Variants in PREX1 observed in about 807,000 individuals in gnomAD.
PREX1 encodes the protein phosphatidylinositol-3,4,5-trisphosphate dependent Rac exchange factor 1.
PREX1 carries 41 observed loss-of-function variants against 198.3 expected under a neutral mutation model. The ratio of observed to expected loss-of-function variants is 0.21; its 90% confidence interval spans 0.16 to 0.27. The LOEUF is 0.27. Ranked by LOEUF, PREX1 falls within the 10% of genes least tolerant of loss-of-function variation. The pLI, the probability that PREX1 is intolerant of heterozygous loss-of-function variation, is 1.00. For synonymous variants in PREX1, 843 were observed against 887.2 expected, an observed-to-expected ratio of 0.95 and a Z score of 0.89; for missense variants, 1,620 against 2,200.7, an observed-to-expected ratio of 0.74 and a Z score of 5.28.
chr20:48,692,657 T>G lies in PREX1; in HGVS notation c.1036+15A>C. On this transcript the variant is annotated intron_variant, in intron 8 of 39. Transcript: ENST00000371941. Reference sequence around the variant, plus strand: ...GGCTCAGGCAGGGCTCAGGCAAGGCTGGGGGAGGGGCTACCTGTCCCATCT... The same window carrying G: ...GGCTCAGGCAGGGCTCAGGCAAGGCGGGGGGAGGGGCTACCTGTCCCATCT... 1 of 1,605,932 alleles carries G rather than the reference T, an allele frequency of 6.2e-7. No homozygotes were observed. Among genetic ancestry groups the G allele is most frequent in the African/African-American group, 1.3e-5 (1 of 74,690 alleles).
Position 48,679,690 on chromosome 20 carries a change from G to C in PREX1, c.1500C>G (p.Thr500=), listed in dbSNP as rs2089735578. The change falls in exon 12 of 40, where the codon ACC becomes ACG. Residue 500 remains threonine, a synonymous_variant. Coordinates refer to ENST00000371941, the MANE Select transcript of PREX1 (RefSeq NM_020820.4). ...VMYRFRYDDG[T]YKARSELEDI... Reference sequence around the variant, plus strand: ...CCTCCAGCTCACTTCGGGCCTTGTAGGTGCCATCGTCGTAGCGGAAGCGAT... The same window carrying C: ...CCTCCAGCTCACTTCGGGCCTTGTACGTGCCATCGTCGTAGCGGAAGCGAT... 1 of 1,613,670 alleles carries C rather than the reference G, an allele frequency of 6.2e-7. No individual in the cohort carries two copies. The highest frequency in any genetic ancestry group is 1.3e-5 in the African/African-American group (1 of 74,922).
chr20:48,653,519 G>A, intron 19 of PREX1, 22 bp from the exon 20 acceptor site: 1 of 1,591,882 alleles, frequency 6.3e-7, no homozygotes, highest in Non-Finnish European at 8.6e-7. Context: ...AGGAGCACAT[G>A]AGGCTGGATG....
intron 1 of PREX1, among the ~76,000 whole-genome samples, chr20:48,820,472 G>A (rs1458598245): frequency 6.6e-6 from 1 of 152,170 alleles, no homozygotes; most frequent in Non-Finnish European, 1.5e-5. Context: ...GCAAGAGAGG[G>A]AGCCTCCCAG....
chr20:48,716,213 G>A (rs1451511867), intron 5 of PREX1, among the ~76,000 whole-genome samples: 6 of 152,124 alleles, frequency 3.9e-5, no homozygotes, highest in Admixed American at 6.5e-5. Flanking sequence ...GTGTGGTTTC[G>A]CGAGTGGGGC....
At chr20:48,702,610 GGGGTGGTGGGATACACTGCAGC>G (rs1225242302) in intron 6 of PREX1, among the ~76,000 whole-genome samples, 5 of 152,326 alleles carry the variant, frequency 3.3e-5, no homozygotes, top group Admixed American at 6.5e-5. Flanking sequence ...TCCAGAGGCT[GGGGTGGTGGGATACACTGCAGC>G]GGGTGGTGGG....
intron 3 of PREX1, 141 bp downstream of exon 3, chr20:48,744,884 G>A (rs1461237980): frequency 2.7e-6 from 3 of 1,101,726 alleles, no homozygotes; most frequent in African/African-American, 3.1e-5. Flanking sequence ...GATGCAGACT[G>A]GGCCCACCTG....
rs145167277 is a variant in PREX1, at chr20:48,825,669, G to A, written c.219+1973C>T. 2.9e-3 allele frequency among the ~76,000 whole-genome samples: 444 copies of A among 151,932 alleles called. 2 individuals are homozygous for A. Among genetic ancestry groups the A allele is most frequent in the African/African-American group, 0.01 (427 of 41,414 alleles). ...TAGGGCAGGGGCGTGGGAGGGAGAG[G>A]TATATTTTCTTTCCCATTAATATCA... is the stretch of plus-strand genomic sequence containing the variant. On this transcript the variant is annotated intron_variant, in intron 1 of 39. Transcript: ENST00000371941.
intron 6 of PREX1, among the ~76,000 whole-genome samples, chr20:48,703,427 G>A (rs575101280): frequency 2.7e-4 from 41 of 152,146 alleles, no homozygotes; most frequent in Non-Finnish European, 5.4e-4. Flanking sequence ...GCAGCCTGCC[G>A]CACCAAGACT....
chr20:48,775,744 CTCTT>C lies in PREX1; in HGVS notation c.220-27868_220-27865del, dbSNP rs1370876145. 1.1e-4 allele frequency among the ~76,000 whole-genome samples: 17 copies of C among 152,316 alleles called. No homozygotes were observed. The South Asian group carries it at 1.7e-3, about 15-fold the overall frequency. On this transcript the variant is annotated intron_variant, in intron 1 of 39. Coordinates refer to ENST00000371941, the MANE Select transcript of PREX1 (RefSeq NM_020820.4). ...GGTGCGGTTTCCCTGCACAAGCTCT[CTCTT>C]TGCCTGCCGCCATCCATGTAAAATG...
At chr20:48,734,005 G>A (rs879779478) in intron 4 of PREX1, among the ~76,000 whole-genome samples, 22 of 152,094 alleles carry the variant, frequency 1.4e-4, no homozygotes, top group Non-Finnish European at 2.6e-4. Flanking sequence ...CACCCGCCTC[G>A]GCCTCCCAAG....
chr20:48,665,325 C>T (rs1265658548), intron 15 of PREX1, among the ~76,000 whole-genome samples: 62 of 145,418 alleles, frequency 4.3e-4, no homozygotes, highest in Middle Eastern at 4.2e-3. Flanking sequence ...TGGTTCCAGA[C>T]GGCCTGAATT....
chr20:48,711,855 G>A (rs990158939), intron 5 of PREX1, among the ~76,000 whole-genome samples: 4 of 152,288 alleles, frequency 2.6e-5, no homozygotes, highest in South Asian at 2.1e-4. Context: ...CAGAAGTGCC[G>A]GGTGCAGTTT....
At chr20:48,795,762 C>G (rs1024607496) in intron 1 of PREX1, among the ~76,000 whole-genome samples, 1 of 152,130 alleles carries the variant, frequency 6.6e-6, no homozygotes, top group Admixed American at 6.5e-5. Flanking sequence ...ACATACACAT[C>G]CCATGAGCAA....
At chr20:48,642,734 G>A (rs2089423927) in intron 27 of PREX1, 1 of 420,770 alleles carries the variant, frequency 2.4e-6, no homozygotes, top group Admixed American at 4.1e-5. Flanking sequence ...CACTGCTACT[G>A]TTTCCATTCT....
chr20:48,667,936 G>A (rs967729785), intron 14 of PREX1, among the ~76,000 whole-genome samples: 4 of 152,128 alleles, frequency 2.6e-5, no homozygotes, highest in Non-Finnish European at 5.9e-5. Flanking sequence ...CCCTCACAGC[G>A]GTGTGCTGGA....
intron 19 of PREX1, 100 bp from the exon 20 acceptor site, chr20:48,653,597 G>C: frequency 1.4e-6 from 2 of 1,455,076 alleles, no homozygotes; most frequent in African/African-American, 1.4e-5. Flanking sequence ...CCAGACACGC[G>C]CAAGGACTCC....
chr20:48,741,880 C>T (rs2090083737), intron 3 of PREX1, among the ~76,000 whole-genome samples: 1 of 152,134 alleles, frequency 6.6e-6, no homozygotes, highest in Admixed American at 6.5e-5. Flanking sequence ...TCTGGAACAG[C>T]GAGGAGATCC....
intron 1 of PREX1, among the ~76,000 whole-genome samples, chr20:48,788,531 A>G (rs2090323310): frequency 6.6e-6 from 1 of 152,212 alleles, no homozygotes; most frequent in African/African-American, 2.4e-5. Flanking sequence ...CACAGAGCAC[A>G]GGATGAAGCC....
the PREX1 span, among the ~76,000 whole-genome samples, chr20:48,847,378 A>C: frequency 1.0e-3 from 151 of 151,314 alleles, no homozygotes; most frequent in African/African-American, 3.3e-3. Context: ...AAAAAAAAAA[A>C]AAAAAACAAA....
Sources: gnomAD v4.1 joint callset for allele counts (sites outside exome capture counted in the v4.1 genomes callset) on GRCh38, gnomAD v4.1.1 for gene constraint, MANE v1.5 for transcripts, NCBI Gene and HGNC (gene_info 2026-07-23, HGNC 2026-07-21) for gene names.